The following EHMT1 variants were observed in gnomAD, a reference collection of about 807,000 sequenced individuals.
EHMT1 encodes euchromatic histone lysine methyltransferase 1, also known as histone-lysine N-methyltransferase EHMT1.
EHMT1 carries 15 observed loss-of-function variants against 147.2 expected under a neutral mutation model. The observed-to-expected ratio is 0.10, with a 90% confidence interval of 0.07 to 0.16. The LOEUF (loss-of-function observed/expected upper bound fraction) is 0.16. EHMT1 is among the 10% of genes least tolerant of loss of function. EHMT1 has a pLI of 1.00. For missense variants in EHMT1, 1,587 were observed against 1,772.4 expected (o/e 0.90, Z 1.88); for synonymous variants, 795 against 709.6 (o/e 1.12, Z -1.91).
At chr9:137,643,912 T>A (rs1209803302) in intron 1 of EHMT1, among the ~76,000 whole-genome samples, 2 of 152,234 alleles carry the variant, frequency 1.3e-5, no homozygotes, top group Admixed American at 1.3e-4. Context: ...AACTTTGTGA[T>A]GAGTACTTCA....
rs747067449 is a variant in EHMT1, at chr9:137,834,534, G to A, written c.3716+10G>A. On this transcript the variant is annotated intron_variant, in intron 26 of 26. Coordinates refer to ENST00000460843, the MANE Select transcript of EHMT1 (RefSeq NM_024757.5). ...CCGGCGAGCAGCTCGGGTACGCACCGCCCCGGCCCCTGGCCATCTCCGCTG... is the reference window on the plus strand; with the variant it reads ...CCGGCGAGCAGCTCGGGTACGCACCACCCCGGCCCCTGGCCATCTCCGCTG... 7 of 1,608,796 alleles carry A rather than the reference G, an allele frequency of 4.4e-6. No individual in the cohort carries two copies. Among genetic ancestry groups the A allele is most frequent in the South Asian group, 1.1e-5 (1 of 91,038 alleles).
chr9:137,829,483 C>T (rs1477894123), intron 25 of EHMT1, among the ~76,000 whole-genome samples: 1 of 152,174 alleles, frequency 6.6e-6, no homozygotes, highest in African/African-American at 2.4e-5. Flanking sequence ...GACATTTTAC[C>T]CCCAGTGACG....
At chr9:137,834,305 G>A (rs1275451100) in intron 25 of EHMT1, 44 bp from the exon 26 acceptor site, 4 of 1,609,070 alleles carry the variant, frequency 2.5e-6, no homozygotes, top group African/African-American at 1.3e-5. Context: ...CCGGCGTGTC[G>A]GGGCCTTGCT....
In EHMT1 at chr9:137,828,432, G is replaced by C. The variant is rs1955968077; in HGVS notation, c.3541-5917G>C. Among the ~76,000 whole-genome samples the C allele has an allele frequency of 6.6e-6, 1 of 152,056 alleles. No homozygotes were observed. Among genetic ancestry groups the C allele is most frequent in the East Asian group, 1.9e-4 (1 of 5,168 alleles). On this transcript the variant is annotated intron_variant, in intron 25 of 26. Transcript: ENST00000460843. The surrounding 1 kb of genome is among the most constrained non-coding windows in gnomAD (Gnocchi z 5.3). The stretch of plus-strand genomic sequence containing the variant: ...ATGACCATTGCCAAGGCCACATCCT[G>C]ACTCTAGGCCCCTCTGGTCTGGGCA...
rs1369150402 is a variant in EHMT1 at position 137,787,791 on chromosome 9, C to T, written c.2383-3057C>T. The T allele has an allele frequency of 7.0e-6, 6 of 851,230 alleles. No individual in the cohort carries two copies. The highest frequency in any genetic ancestry group is 4.8e-5 in the East Asian group (2 of 41,440). The allele number at this position is 851,230 out of a possible 1,614,324, so 52.7% of individuals were successfully genotyped here. ...TGGAAGAGGGCGTCTAGATCCCAGC[C>T]CTGGGGGCCCTCAGGTTTCAGGGGC... On this transcript the variant is annotated intron_variant, in intron 15 of 26. Transcript: ENST00000460843. This position sits in a 1 kb window ranked among gnomAD's most constrained non-coding sequence, Gnocchi z 4.2.
At chr9:137,626,965 TG>T (rs1843299914) in intron 1 of EHMT1, among the ~76,000 whole-genome samples, 1 of 151,988 alleles carries the variant, frequency 6.6e-6, no homozygotes. Context: ...TTTTTGTTTT[TG>T]TTTTGTTTTG....
Position 137,835,000 on chromosome 9 carries a change from C to G in EHMT1, c.*47C>G, listed in dbSNP as rs376859900. The G allele has an allele frequency of 7.3e-7, 1 of 1,365,392 alleles. No homozygotes were observed. The highest frequency in any genetic ancestry group is 3.0e-5 in the East Asian group (1 of 32,816). The allele number at this position is 1,365,392 out of a possible 1,614,324, so 84.6% of individuals were successfully genotyped here. ...GCTCGGGAGCCAGGGACCGCCGCGTCGCCGATTAGAGGACGAGGAGGAGAG... is the reference window on the plus strand; with the variant it reads ...GCTCGGGAGCCAGGGACCGCCGCGTGGCCGATTAGAGGACGAGGAGGAGAG... On this transcript the variant is annotated 3_prime_UTR_variant, in exon 27 of 27. Transcript: ENST00000460843.
chr9:137,697,929 T>C (rs3003365), intron 1 of EHMT1, among the ~76,000 whole-genome samples: 8 of 150,962 alleles, frequency 5.3e-5, no homozygotes, highest in African/African-American at 2.0e-4. Flanking sequence ...ATGGCACTGT[T>C]GTGAGGGCAG....
In EHMT1 at chr9:137,684,189, C is replaced by G. The variant is rs564140310; in HGVS notation, c.22-26778C>G. On this transcript the variant is annotated intron_variant, in intron 1 of 26. Transcript: ENST00000460843. ...TAGCTGGGACAGGAGCATGCCACCA[C>G]GCCTGGCTAATTTTTGTATTTTTTG... 1.5e-4 allele frequency among the ~76,000 whole-genome samples: 23 copies of G among 152,044 alleles called. 1 individual carries two copies. Among genetic ancestry groups the G allele is most frequent in the Non-Finnish European group, 2.4e-4 (16 of 67,998 alleles).
At chr9:137,721,476 CTCTCCCACGCCTCTCACCT>C (rs1946028639) in intron 3 of EHMT1, among the ~76,000 whole-genome samples, 4 of 64,034 alleles carry the variant, frequency 6.2e-5, no homozygotes, top group African/African-American at 1.7e-4. Flanking sequence ...GCCTCTCACC[CTCTCCCACGCCTCTCACCT>C]TCTCACACGC....
chr9:137,664,887 G>C (rs968689249), intron 1 of EHMT1: 5 of 152,164 alleles, frequency 3.3e-5, no homozygotes, highest in Non-Finnish European at 7.3e-5. Flanking sequence ...TGGCTGGGCG[G>C]AACCTGTGTA....
At chr9:137,708,751 T>TCTGACTGAGTGGCATGTCCAGGC (rs1944452228) in intron 1 of EHMT1, among the ~76,000 whole-genome samples, 1 of 152,218 alleles carries the variant, frequency 6.6e-6, no homozygotes, top group Admixed American at 6.5e-5. Context: ...GATGTCCAGG[T>TCTGACTGAGTGGCATGTCCAGGC]CTGACTGAGT....
chr9:137,818,198 G>A (rs1176724057), intron 25 of EHMT1, 60 bp downstream of exon 25: 7 of 1,562,810 alleles, frequency 4.5e-6, no homozygotes, highest in Admixed American at 1.7e-5. Flanking sequence ...ACCTGAATGT[G>A]TTTGTCCCAG....
chr9:137,621,942 CT>C lies in EHMT1; in HGVS notation c.21+2903del, dbSNP rs957073551. Reference sequence around the variant, plus strand: ...AAAGCTGTTCTCATCTCCTGTCTTTCTTTTTTTTTTCTTTTTATTTTTTTCT... The same window carrying C: ...AAAGCTGTTCTCATCTCCTGTCTTTCTTTTTTTTTCTTTTTATTTTTTTCT... On this transcript the variant is annotated intron_variant, in intron 1 of 26. Coordinates refer to ENST00000460843, the MANE Select transcript of EHMT1 (RefSeq NM_024757.5). Among the ~76,000 whole-genome samples, 23 of 146,842 alleles carry C rather than the reference CT, an allele frequency of 1.6e-4. No homozygotes were observed. The East Asian group carries it at 2.2e-3, about 14-fold the overall frequency.
At chr9:137,765,435 G>A (rs571412694) in intron 10 of EHMT1, among the ~76,000 whole-genome samples, 3 of 152,230 alleles carry the variant, frequency 2.0e-5, no homozygotes, top group Admixed American at 6.5e-5. Context: ...TCAATGTGTG[G>A]TAAGCTTTTT....
intron 16 of EHMT1, among the ~76,000 whole-genome samples, chr9:137,794,622 G>A (rs1467189358): frequency 6.7e-6 from 1 of 150,268 alleles, no homozygotes; most frequent in Non-Finnish European, 1.5e-5. Context: ...ACTTTAGCCC[G>A]GGCGACAGAG....
At position 137,733,686 on chromosome 9, in the gene EHMT1, C is replaced by T. The variant is rs1351328658; in HGVS notation, c.823+5157C>T. 5.3e-5 allele frequency among the ~76,000 whole-genome samples: 8 copies of T among 152,268 alleles called. No homozygotes were observed. In the East Asian group the frequency reaches 5.8e-4, roughly 11 times the overall value. On this transcript the variant is annotated intron_variant, in intron 4 of 26. Transcript: ENST00000460843. ...GTGCATACAGAGAGGCCCTCTCATC[C>T]GGTTGTAAGCCTTTCTTCCATGTGA...
In EHMT1 at chr9:137,705,289, G is replaced by C. The variant is rs1944171723; in HGVS notation, c.22-5678G>C. Among the ~76,000 whole-genome samples the C allele has an allele frequency of 2.0e-5, 3 of 152,152 alleles. No homozygotes were observed. The South Asian group carries it at 6.2e-4, about 31-fold the overall frequency. On this transcript the variant is annotated intron_variant, in intron 1 of 26. Coordinates refer to ENST00000460843, the MANE Select transcript of EHMT1 (RefSeq NM_024757.5). ...ATCACAGGCATGAGCCACTACACCG[G>C]CCTGGGAATTCCTTTAACTTGCGTT...
chr9:137,737,579 G>T (rs1056987326), intron 4 of EHMT1, among the ~76,000 whole-genome samples: 5 of 152,088 alleles, frequency 3.3e-5, no homozygotes, highest in Non-Finnish European at 7.4e-5. Flanking sequence ...TAGGACAAAG[G>T]CTCCACAACC....
Sources: allele counts gnomAD v4.1 joint callset (sites outside exome capture counted in the v4.1 genomes callset), GRCh38; gene constraint gnomAD v4.1.1; non-coding constraint Gnocchi (gnomAD v3.1); transcripts MANE v1.5; gene names NCBI Gene and HGNC (gene_info 2026-07-23, HGNC 2026-07-21).